Variants in OLFM2 observed in about 807,000 individuals in gnomAD.
The protein encoded by OLFM2 is noelin-2.
OLFM2 carries 20 observed loss-of-function variants against 43.9 expected under a neutral mutation model. The observed-to-expected ratio is 0.46, with a 90% CI of 0.32 to 0.66. The LOEUF (loss-of-function observed/expected upper bound fraction) is 0.66. Among genes scored for constraint, OLFM2 ranks in the 30% least tolerant of loss-of-function variants. The probability of loss-of-function intolerance (pLI) is 0.04; values close to 1 mark genes in which losing one functional copy is unlikely to be tolerated. For missense variants in OLFM2, 416 were observed against 643.6 expected (o/e 0.65, Z 3.83); for synonymous variants, 268 against 278.6 (o/e 0.96, Z 0.38).
intron 1 of OLFM2, among the ~76,000 whole-genome samples, chr19:9,914,147 G>C (rs540326328): frequency 6.6e-6 from 1 of 151,844 alleles, no homozygotes. Context: ...CCCTCTTCGA[G>C]CCTGAGCCGC....
chr19:9,865,493 T>TTC (rs1568369124), intron 1 of OLFM2, among the ~76,000 whole-genome samples: 5 of 130,568 alleles, frequency 3.8e-5, no homozygotes, highest in African/African-American at 8.9e-5. Flanking sequence ...TTCTTTTTTT[T>TTC]TTTTTTTTTT....
chr19:9,877,996 A>G (rs2145451196), intron 1 of OLFM2, among the ~76,000 whole-genome samples: 1 of 152,102 alleles, frequency 6.6e-6, no homozygotes, highest in African/African-American at 2.4e-5. Flanking sequence ...GGGACTACAC[A>G]CGTGCCACCA....
At chr19:9,885,669 C>G (rs1017633199) in intron 1 of OLFM2, among the ~76,000 whole-genome samples, 3 of 152,198 alleles carry the variant, frequency 2.0e-5, no homozygotes, top group African/African-American at 7.2e-5. Flanking sequence ...CTCCTCTTCT[C>G]ATGGTGAGAT....
intron 1 of OLFM2, among the ~76,000 whole-genome samples, chr19:9,865,781 C>T (rs758197614): frequency 6.0e-5 from 9 of 149,882 alleles, no homozygotes; most frequent in Non-Finnish European, 8.9e-5. Context: ...CATGAGCCAC[C>T]GTGCCCGGCC....
chr19:9,930,004 C>A (rs997434501), intron 1 of OLFM2, among the ~76,000 whole-genome samples: 4 of 151,886 alleles, frequency 2.6e-5, no homozygotes, highest in African/African-American at 9.7e-5. Flanking sequence ...GCGCCACTGA[C>A]CTCCAGCCTG....
At chr19:9,880,020 G>T (rs1488653516) in intron 1 of OLFM2, among the ~76,000 whole-genome samples, 1 of 152,082 alleles carries the variant, frequency 6.6e-6, no homozygotes, top group Non-Finnish European at 1.5e-5. Flanking sequence ...CAGGTGATCT[G>T]CCCACCTCAG....
At chr19:9,903,687 T>C (rs1036409605) in intron 1 of OLFM2, among the ~76,000 whole-genome samples, 2 of 152,190 alleles carry the variant, frequency 1.3e-5, no homozygotes, top group Non-Finnish European at 2.9e-5. Flanking sequence ...CGAGGGCTAA[T>C]GGAGCCAGCC....
At position 9,936,336 on chromosome 19, in the gene OLFM2, G is replaced by A; in HGVS notation, c.31C>T (p.Leu11=). Residue 11 remains leucine, a synonymous_variant, in exon 1 of 6, where the codon CTG becomes TTG. Transcript: ENST00000264833. MWPLTVPPPL[L]LLLCSGLAGQ... is the part of the protein sequence containing the mutation. The stretch of plus-strand genomic sequence containing the variant: ...GCCAGGCCTGAGCACAGCAGCAGCA[G>A]CAGCGGCGGCGGGACCGTGAGCGGC... The A allele has an allele frequency of 6.6e-7, 1 of 1,508,874 alleles. No homozygotes were observed. Among genetic ancestry groups the A allele is most frequent in the Non-Finnish European group, 8.8e-7 (1 of 1,135,996 alleles). The allele number at this position is 1,508,874 out of a possible 1,614,324, so 93.5% of individuals were successfully genotyped here. A position where few individuals can be genotyped will look rare whatever the true frequency, so the allele number is the denominator to read the frequency against.
At position 9,854,192 on chromosome 19, in the gene OLFM2, G is replaced by T; in HGVS notation, c.1359C>A (p.Asp453Glu). The T allele has an allele frequency of 1.2e-6, 2 of 1,614,136 alleles. No homozygotes were observed. Among genetic ancestry groups the T allele is most frequent in the African/African-American group, 1.3e-5 (1 of 75,040 alleles). Residue 453 changes from aspartate to glutamate, a missense_variant, in exon 6 of 6, where the codon GAC (aspartate) becomes GAA (glutamate). By Grantham distance (45) the Asp-to-Glu change is conservative. Coordinates refer to ENST00000264833, the MANE Select transcript of OLFM2 (RefSeq NM_058164.4). This position sits in a 1 kb window ranked among gnomAD's most constrained non-coding sequence, Gnocchi z 9.5. ...CCCGAGCCACAGCATTGGCTCAGGGGTCCCCAGAGGTGCTGATGACGTGAA... is the reference window on the plus strand; with the variant it reads ...CCCGAGCCACAGCATTGGCTCAGGGTTCCCCAGAGGTGCTGATGACGTGAA... The part of the protein sequence containing the change: ...TLFHVISTSG[D>E]P
At chr19:9,876,202 G>A (rs1336736597) in intron 1 of OLFM2, among the ~76,000 whole-genome samples, 2 of 152,166 alleles carry the variant, frequency 1.3e-5, no homozygotes, top group African/African-American at 2.4e-5. Flanking sequence ...AGCCATCAGC[G>A]CCCGTGGTAG....
chr19:9,910,625 A>G (rs2046819751), intron 1 of OLFM2, among the ~76,000 whole-genome samples: 1 of 152,170 alleles, frequency 6.6e-6, no homozygotes, highest in Admixed American at 6.6e-5. Context: ...AGGCAGATGG[A>G]TGGTGGAAGG....
intron 1 of OLFM2, among the ~76,000 whole-genome samples, chr19:9,876,933 A>G (rs2046493719): frequency 6.6e-6 from 1 of 152,194 alleles, no homozygotes. Context: ...GAAACAGAAG[A>G]ATAGCTACTT....
Position 9,867,906 on chromosome 19 carries a change from AT to A in OLFM2, c.64-7113del, listed in dbSNP as rs112454659. On this transcript the variant is annotated intron_variant, in intron 1 of 5. Transcript: ENST00000264833. ...AGCTATTACACATGCTAGAAAAAAAATTTTTTTTTTTTGGAGACAGGGTCTT... is the reference window on the plus strand; with the variant it reads ...AGCTATTACACATGCTAGAAAAAAAATTTTTTTTTTTGGAGACAGGGTCTT... Among the ~76,000 whole-genome samples the A allele has an allele frequency of 3.7e-3, 549 of 148,484 alleles. 3 individuals are homozygous for A. The highest frequency in any genetic ancestry group is 0.012 in the African/African-American group (503 of 40,528).
At chr19:9,858,946 A>C (rs147952724) in intron 2 of OLFM2, among the ~76,000 whole-genome samples, 1 of 151,960 alleles carries the variant, frequency 6.6e-6, no homozygotes, top group East Asian at 1.9e-4. Context: ...GTAGACCCTC[A>C]CCTGGCTAAG....
chr19:9,882,355 A>G (rs1370576896), intron 1 of OLFM2, among the ~76,000 whole-genome samples: 4 of 148,224 alleles, frequency 2.7e-5, no homozygotes, highest in African/African-American at 1.0e-4. Context: ...TGGCTAACAC[A>G]GTGAAACCCC....
At position 9,854,805 on chromosome 19, in the gene OLFM2, C is replaced by T. The variant is rs752885457; in HGVS notation, c.746G>A (p.Gly249Glu). Residue 249 changes from glycine (G) to glutamate (E), a missense_variant, in exon 6 of 6, where the codon GGA becomes GAA. Transcript: ENST00000264833. This position sits in a 1 kb window ranked among gnomAD's most constrained non-coding sequence, Gnocchi z 9.5. Reference sequence around the variant, plus strand: ...AAAGTTCTGGCCTTTGATGAAGTCTCCCAGGGTACGGAACTCCAGGACCCG... The same window carrying T: ...AAAGTTCTGGCCTTTGATGAAGTCTTCCAGGGTACGGAACTCCAGGACCCG... ...GRRVLEFRTL[G>E]DFIKGQNFIQ... is the part of the protein sequence containing the mutation. The T allele has an allele frequency of 3.7e-6, 6 of 1,608,962 alleles. No individual in the cohort carries two copies. The highest frequency in any genetic ancestry group is 1.3e-5 in the African/African-American group (1 of 74,942).
chr19:9,908,766 C>T (rs2046804455), intron 1 of OLFM2, among the ~76,000 whole-genome samples: 2 of 151,992 alleles, frequency 1.3e-5, no homozygotes, highest in East Asian at 3.9e-4. Flanking sequence ...TGTGAGCCAC[C>T]GGGTTTCACC....
At chr19:9,879,804 T>C (rs2046524650) in intron 1 of OLFM2, among the ~76,000 whole-genome samples, 1 of 151,114 alleles carries the variant, frequency 6.6e-6, no homozygotes, top group South Asian at 2.1e-4. Flanking sequence ...TGAGGTGGAG[T>C]CTCACTCTGT....
At chr19:9,869,204 A>T (rs2046425154) in intron 1 of OLFM2, among the ~76,000 whole-genome samples, 1 of 152,184 alleles carries the variant, frequency 6.6e-6, no homozygotes, top group African/African-American at 2.4e-5. Flanking sequence ...GATGCTCAGG[A>T]GAAAGCTCAA....
Sources: gnomAD v4.1 joint callset for allele counts (sites outside exome capture counted in the v4.1 genomes callset) on GRCh38, gnomAD v4.1.1 for gene constraint, Gnocchi (gnomAD v3.1) non-coding constraint, MANE v1.5 for transcripts, NCBI Gene and HGNC (gene_info 2026-07-23, HGNC 2026-07-21) for gene names.